Variants in CCZ1 observed in about 807,000 individuals in gnomAD.
CCZ1 encodes CCZ1 vacuolar protein trafficking and biogenesis associated.
A neutral mutation model predicts 57.8 loss-of-function variants in CCZ1; 19 were observed. The ratio of observed to expected loss-of-function variants is 0.33; its 90% CI spans 0.23 to 0.48. The LOEUF (loss-of-function observed/expected upper bound fraction) is 0.48. Among genes scored for constraint, CCZ1 ranks in the 20% least tolerant of loss-of-function variants. The probability of loss-of-function intolerance (pLI) is 0.99; values close to 1 mark genes in which losing one functional copy is unlikely to be tolerated. For synonymous variants in CCZ1, 81 were observed against 167.0 expected (o/e 0.49, Z 3.97); for missense variants, 200 against 492.0 (o/e 0.41, Z 5.61).
chr7:5,906,112 T>G (rs916523495), intron 7 of CCZ1, among the ~76,000 whole-genome samples: 1 of 146,842 alleles, frequency 6.8e-6, no homozygotes. Flanking sequence ...ACCAGGAAAT[T>G]ACCTGCTATC....
rs550958756 is a variant in CCZ1, at chr7:5,923,007, G to A, written c.1107-380G>A. On this transcript the variant is annotated intron_variant, in intron 12 of 14. Transcript: ENST00000325974. ...AACATGTGGCAATGGCGAGGTTCCCGTGAAACTTTGTTTAGAAAAAGAGGG... is the reference window on the plus strand; with the variant it reads ...AACATGTGGCAATGGCGAGGTTCCCATGAAACTTTGTTTAGAAAAAGAGGG... 1.4e-4 allele frequency among the ~76,000 whole-genome samples: 21 copies of A among 146,046 alleles called. 1 individual carries two copies. The highest frequency in any genetic ancestry group is 3.7e-4 in the African/African-American group (14 of 37,738).
chr7:5,922,619 G>C (rs1377309332), intron 12 of CCZ1, among the ~76,000 whole-genome samples: 1 of 150,226 alleles, frequency 6.7e-6, no homozygotes, highest in Admixed American at 6.7e-5. Context: ...GACCTGGGAG[G>C]CAGCGTCGTA....
At chr7:5,916,752 C>A (rs1221570381) in intron 10 of CCZ1, among the ~76,000 whole-genome samples, 29 of 145,264 alleles carry the variant, frequency 2.0e-4, no homozygotes, top group Non-Finnish European at 4.0e-4. Flanking sequence ...AGTCTCCAGC[C>A]CTCCAGAGGT....
At chr7:5,914,950 T>TA (rs1182518797) in intron 10 of CCZ1, among the ~76,000 whole-genome samples, 2 of 144,694 alleles carry the variant, frequency 1.4e-5, no homozygotes, top group African/African-American at 5.2e-5. Context: ...CTGAGGGTGT[T>TA]ACACAGGGTC....
intron 12 of CCZ1, among the ~76,000 whole-genome samples, chr7:5,922,606 TC>T (rs1216684942): frequency 6.7e-6 from 1 of 149,802 alleles, no homozygotes. Context: ...GGTCACAGAC[TC>T]TGACCTGGGA....
intron 1 of CCZ1, among the ~76,000 whole-genome samples, chr7:5,899,380 TGTG>T (rs1781631384): frequency 3.1e-5 from 3 of 95,400 alleles, no homozygotes; most frequent in African/African-American, 7.3e-5. Context: ...TGTGTGTGTG[TGTG>T]GTTTTTCTGA....
intron 14 of CCZ1, 76 bp downstream of exon 14, chr7:5,924,038 AG>A: frequency 2.7e-6 from 2 of 739,486 alleles, no homozygotes; most frequent in East Asian, 5.2e-5. Context: ...GTTAAAAAAT[AG>A]GTAAATAGAA....
At chr7:5,908,311 G>C (rs186583599) in intron 7 of CCZ1, among the ~76,000 whole-genome samples, 1 of 119,726 alleles carries the variant, frequency 8.4e-6, no homozygotes, top group East Asian at 2.5e-4. Context: ...CTACCAAAAA[G>C]TGGAAAAAAA....
rs869199583 is a variant in CCZ1 at position 5,899,334 on chromosome 7, GGTGTGTGT to G, written c.120+457_120+464del. On this transcript the variant is annotated intron_variant, in intron 1 of 14. Transcript: ENST00000325974. ...GGAAATAAATTAATTTCGGGAGGGG[GGTGTGTGT>G]GTGTGTGTGTGTGTGTGTGTGTGTG... 3.7e-3 allele frequency among the ~76,000 whole-genome samples: 47 copies of G among 12,566 alleles called. 2 individuals are homozygous for G. Among genetic ancestry groups the G allele is most frequent in the Admixed American group, 6.9e-3 (6 of 868 alleles). The allele number at this position is 12,566 out of a possible 152,430, so 8.2% of individuals were successfully genotyped here. A position where few individuals can be genotyped will look rare whatever the true frequency, so the allele number is the denominator to read the frequency against.
At position 5,914,626 on chromosome 7, in the gene CCZ1, A is replaced by G. The variant is rs1247077436; in HGVS notation, c.954+1672A>G. 4.7e-5 allele frequency among the ~76,000 whole-genome samples: 7 copies of G among 148,144 alleles called. 1 individual carries two copies. Among genetic ancestry groups the G allele is most frequent in the African/African-American group, 1.3e-4 (5 of 39,850 alleles). On this transcript the variant is annotated intron_variant, in intron 10 of 14. Transcript: ENST00000325974. ...CATGGTGGCTCATGCCTATATCCCAACACTTTGGGAGGCCAAGGTGGGCGG... is the reference window on the plus strand; with the variant it reads ...CATGGTGGCTCATGCCTATATCCCAGCACTTTGGGAGGCCAAGGTGGGCGG...
In CCZ1 at chr7:5,909,718, A is replaced by T. The variant is rs570918482; in HGVS notation, c.699-317A>T. On this transcript the variant is annotated intron_variant, in intron 7 of 14. Coordinates refer to ENST00000325974, the MANE Select transcript of CCZ1 (RefSeq NM_015622.6). Reference sequence around the variant, plus strand: ...GTCTCAAAAAAAAAAAGAAAAAAAAATTTTTTTTAATAAAAAATGAGTTTT... The same window carrying T: ...GTCTCAAAAAAAAAAAGAAAAAAAATTTTTTTTTAATAAAAAATGAGTTTT... Among the ~76,000 whole-genome samples the T allele has an allele frequency of 6.9e-4, 98 of 142,826 alleles. 2 individuals are homozygous for T. The highest frequency in any genetic ancestry group is 1.9e-3 in the East Asian group (8 of 4,202). 93.7% of individuals were successfully genotyped at this position (142,826 alleles called of 152,430 possible). A position where few individuals can be genotyped will look rare whatever the true frequency, so the allele number is the denominator to read the frequency against.
rs964886351 is a variant in CCZ1, at chr7:5,901,711, G to A, written c.438+7G>A. 1.4e-5 allele frequency: 22 copies of A among 1,598,178 alleles called. 1 individual carries two copies. Among genetic ancestry groups the A allele is most frequent in the Non-Finnish European group, 1.7e-5 (20 of 1,176,518 alleles). On this transcript the variant is annotated splice_region_variant and intron_variant, in intron 5 of 14. Transcript: ENST00000325974. Reference sequence around the variant, plus strand: ...GTGCTACAGCATGTACAAGGTAAGCGTGGCGTTCTTTCTCAACTCAGAGTC... The same window carrying A: ...GTGCTACAGCATGTACAAGGTAAGCATGGCGTTCTTTCTCAACTCAGAGTC...
chr7:5,901,681 C>A lies in CCZ1; in HGVS notation c.415C>A (p.Arg139=), dbSNP rs142826003. 3.9e-5 allele frequency: 63 copies of A among 1,598,564 alleles called. 2 individuals are homozygous for A. The African/African-American group carries it at 5.2e-4, about 13-fold the overall frequency. Residue 139 remains arginine, a synonymous_variant, in exon 5 of 15, where the codon CGG becomes AGG. Coordinates refer to ENST00000325974, the MANE Select transcript of CCZ1 (RefSeq NM_015622.6). ...LLDKVYSSVL[R]QCYSMYKLFN... ...GGACAAGGTTTATAGCTCGGTGCTGCGGCAGTGCTACAGCATGTACAAGGT... is the reference window on the plus strand; with the variant it reads ...GGACAAGGTTTATAGCTCGGTGCTGAGGCAGTGCTACAGCATGTACAAGGT...
rs761395555 is a variant in CCZ1, at chr7:5,905,220, C to T, written c.649C>T (p.Leu217=). Reference sequence around the variant, plus strand: ...CTTTATTAATAGAATGGAGGAAAGCCTGAATATAGTCAAATACACTGCTTT... The same window carrying T: ...CTTTATTAATAGAATGGAGGAAAGCTTGAATATAGTCAAATACACTGCTTT... ...QSFINRMEES[L]NIVKYTAFLY... is the part of the protein sequence containing the mutation. Residue 217 remains leucine, a synonymous_variant, in exon 7 of 15, where the codon CTG becomes TTG. Transcript: ENST00000325974. 4.0e-5 allele frequency: 63 copies of T among 1,559,402 alleles called. 1 individual carries two copies. The highest frequency in any genetic ancestry group is 4.8e-5 in the Non-Finnish European group (55 of 1,150,894).
chr7:5,910,509 A>G lies in CCZ1; in HGVS notation c.780+393A>G, dbSNP rs1004541822. Among the ~76,000 whole-genome samples, 7 of 146,668 alleles carry G rather than the reference A, an allele frequency of 4.8e-5. 1 individual carries two copies. Among genetic ancestry groups the G allele is most frequent in the Non-Finnish European group, 7.5e-5 (5 of 67,108 alleles). The stretch of plus-strand genomic sequence containing the variant: ...GCCCAGCTAATTTTTTTGTATTTTT[A>G]GTAGAGACAGGTTTCACTATGTTGG... On this transcript the variant is annotated intron_variant, in intron 8 of 14. Coordinates refer to ENST00000325974, the MANE Select transcript of CCZ1 (RefSeq NM_015622.6).
chr7:5,909,181 A>C (rs1781907817), intron 7 of CCZ1, among the ~76,000 whole-genome samples: 1 of 148,318 alleles, frequency 6.7e-6, no homozygotes, highest in African/African-American at 2.5e-5. Context: ...GTCAGGATAA[A>C]GTTCCAGTGC....
intron 1 of CCZ1, among the ~76,000 whole-genome samples, chr7:5,900,020 C>A (rs62453576): frequency 0.64 from 89,492 of 140,784 alleles, 26,742 homozygotes; most frequent in Middle Eastern, 0.72. Flanking sequence ...ATGATGAGAT[C>A]ATTCCTGTTC....
intron 7 of CCZ1, among the ~76,000 whole-genome samples, chr7:5,909,201 A>T (rs1781908305): frequency 6.7e-6 from 1 of 148,362 alleles, no homozygotes; most frequent in Non-Finnish European, 1.5e-5. Flanking sequence ...CCTGGACTCA[A>T]GTTTAACCCT....
chr7:5,906,965 T>C (rs1391070972), intron 7 of CCZ1, among the ~76,000 whole-genome samples: 2 of 149,446 alleles, frequency 1.3e-5, no homozygotes, highest in Non-Finnish European at 3.0e-5. Flanking sequence ...CCTCCTGGGT[T>C]CAAGCAATTC....
Sources: allele counts gnomAD v4.1 joint callset (sites outside exome capture counted in the v4.1 genomes callset), GRCh38; gene constraint gnomAD v4.1.1; transcripts MANE v1.5; gene names NCBI Gene and HGNC (gene_info 2026-07-23, HGNC 2026-07-21).